Variants in UBALD2 observed in about 807,000 individuals in gnomAD.
UBALD2 encodes the protein UBA like domain containing 2.
UBALD2 carries 8 observed loss-of-function variants against 15.9 expected under a neutral mutation model. The ratio of observed to expected loss-of-function variants is 0.50; its 90% CI spans 0.29 to 0.91. The LOEUF (loss-of-function observed/expected upper bound fraction) is 0.91. Among genes scored for constraint, UBALD2 ranks in the 40% least tolerant of loss-of-function variants. The pLI is 0.07. For synonymous variants in UBALD2, 113 were observed against 97.7 expected (o/e 1.16, Z -0.93); for missense variants, 178 against 234.8 (o/e 0.76, Z 1.58).
At chr17:76,266,929 A>G (rs1286528586) in intron 2 of UBALD2, among the ~76,000 whole-genome samples, 1 of 152,102 alleles carries the variant, frequency 6.6e-6, no homozygotes, top group Non-Finnish European at 1.5e-5. Context: ...GTTTTCATCT[A>G]GTCACAGAGG....
intron 1 of UBALD2, 126 bp downstream of exon 1, chr17:76,265,751 G>T: frequency 7.5e-7 from 1 of 1,337,038 alleles, no homozygotes; most frequent in Non-Finnish European, 9.6e-7. Context: ...TCTTACGCGG[G>T]ACCGGGGCCG....
At chr17:76,266,029 AT>A in intron 2 of UBALD2, 60 bp downstream of exon 2, 1 of 1,510,384 alleles carries the variant, frequency 6.6e-7, no homozygotes, top group Non-Finnish European at 8.9e-7. Context: ...GGTGACAGCC[AT>A]GTTGCCGGGG....
chr17:76,266,091 A>G, intron 2 of UBALD2, 122 bp downstream of exon 2: 1 of 1,299,058 alleles, frequency 7.7e-7, no homozygotes, highest in East Asian at 2.6e-5. Flanking sequence ...TCCAGGAAAG[A>G]GCGGCTCCCG....
chr17:76,270,422 C>G lies in UBALD2; in HGVS notation c.412C>G (p.Arg138Gly). 4 of 1,529,538 alleles carry G rather than the reference C, an allele frequency of 2.6e-6. No individual in the cohort carries two copies. The highest frequency in any genetic ancestry group is 3.5e-6 in the Non-Finnish European group (4 of 1,140,530). 94.7% of individuals were successfully genotyped at this position (1,529,538 alleles called of 1,614,324 possible). Residue 138 changes from arginine (R) to glycine (G), a missense_variant, in exon 3 of 3, where the codon CGC becomes GGC. Arg to Gly is a moderately radical substitution (Grantham distance 125). Transcript: ENST00000327490. ...CCCCACCACCTTCCACCACCTCCAC[C>G]GCCCACAGCCCACGTGGCCCCCAGG... ...SSPTTFHHLH[R>G]PQPTWPPGAQ...
chr17:76,267,490 CTTTTT>C (rs55819046), intron 2 of UBALD2, among the ~76,000 whole-genome samples: 4 of 115,162 alleles, frequency 3.5e-5, no homozygotes, highest in African/African-American at 3.5e-5. Context: ...TTCATGGTTT[CTTTTT>C]TTTTTTTTTT....
intron 2 of UBALD2, among the ~76,000 whole-genome samples, chr17:76,266,262 AC>A (rs2070544977): frequency 7.7e-6 from 1 of 130,062 alleles, no homozygotes. Flanking sequence ...GAGCTGGGGG[AC>A]CCCAGAGCCA....
chr17:76,265,982 G>A lies in UBALD2; in HGVS notation c.183+13G>A. On this transcript the variant is annotated intron_variant, in intron 2 of 2. Coordinates refer to ENST00000327490, the MANE Select transcript of UBALD2 (RefSeq NM_182565.4). ...CCACCACCAGATGGTAAGCGGCGGC[G>A]GGCAGGGGCGCGGGCCGGGGCCGCT... 6.4e-7 allele frequency: 1 copy of A among 1,565,202 alleles called. No homozygotes were observed. Among genetic ancestry groups the A allele is most frequent in the South Asian group, 1.2e-5 (1 of 85,746 alleles).
At chr17:76,265,683 CG>C (rs1266815935) in intron 1 of UBALD2, 58 bp downstream of exon 1, 2 of 1,146,112 alleles carry the variant, frequency 1.7e-6, no homozygotes, top group Non-Finnish European at 1.1e-6. Context: ...CGGGCGGCGG[CG>C]GGGGCGGGGA....
chr17:76,267,859 A>G (rs1279306136), intron 2 of UBALD2, among the ~76,000 whole-genome samples: 1 of 151,836 alleles, frequency 6.6e-6, no homozygotes, highest in African/African-American at 2.4e-5. Context: ...GGGTTTCTCC[A>G]TGTTGATCAG....
intron 1 of UBALD2, 99 bp downstream of exon 1, chr17:76,265,724 C>T (rs1387771940): frequency 1.6e-6 from 2 of 1,273,530 alleles, no homozygotes; most frequent in South Asian, 2.3e-5. Context: ...GGAAGGCGAT[C>T]GGCGCCCGCG....
intron 2 of UBALD2, among the ~76,000 whole-genome samples, chr17:76,267,495 T>C (rs1043246456): frequency 6.1e-4 from 88 of 143,204 alleles, no homozygotes; most frequent in African/African-American, 1.9e-3. Context: ...GGTTTCTTTT[T>C]TTTTTTTTTT....
chr17:76,265,799 C>T, intron 1 of UBALD2, 108 bp from the exon 2 acceptor site: 1 of 1,459,306 alleles, frequency 6.9e-7, no homozygotes, highest in Non-Finnish European at 9.2e-7. Context: ...AGCCGAGGGT[C>T]GGGGGCCGCG....
chr17:76,267,475 A>T (rs2070553206), intron 2 of UBALD2, among the ~76,000 whole-genome samples: 1 of 150,278 alleles, frequency 6.7e-6, no homozygotes, highest in African/African-American at 2.5e-5. Flanking sequence ...CCTGCTCTCA[A>T]AAAGTTCATG....
In UBALD2 at chr17:76,270,582, G is replaced by A; in HGVS notation, c.*77G>A. ...GGGGACACAGGAGGGCCAGGGAGGG[G>A]GGAGCCGGGGAGGGCAGGGGGTTTC... is the stretch of plus-strand genomic sequence containing the variant. On this transcript the variant is annotated 3_prime_UTR_variant, in exon 3 of 3. Transcript: ENST00000327490. 1.6e-6 allele frequency: 2 copies of A among 1,270,134 alleles called. No homozygotes were observed. The highest frequency in any genetic ancestry group is 2.1e-6 in the Non-Finnish European group (2 of 975,442). 78.7% of individuals were successfully genotyped at this position (1,270,134 alleles called of 1,614,324 possible).
In UBALD2 at chr17:76,270,624, A is replaced by C; in HGVS notation, c.*119A>C. 1.0e-6 allele frequency: 1 copy of C among 992,566 alleles called. No individual in the cohort carries two copies. Among genetic ancestry groups the C allele is most frequent in the South Asian group, 2.2e-5 (1 of 45,290 alleles). 61.5% of individuals were successfully genotyped at this position (992,566 alleles called of 1,614,324 possible). A position where few individuals can be genotyped will look rare whatever the true frequency, so the allele number is the denominator to read the frequency against. On this transcript the variant is annotated 3_prime_UTR_variant, in exon 3 of 3. Transcript: ENST00000327490. ...GGGGGTTTCCCGAAGATCGCACTGGAAGATTTTATAAAAGAATTTTTGTGG... is the reference window on the plus strand; with the variant it reads ...GGGGGTTTCCCGAAGATCGCACTGGCAGATTTTATAAAAGAATTTTTGTGG...
In UBALD2 at chr17:76,270,301, C is replaced by T. The variant is rs1204138435; in HGVS notation, c.291C>T (p.Pro97=). The T allele has an allele frequency of 1.1e-5, 17 of 1,610,610 alleles. No individual in the cohort carries two copies. Among genetic ancestry groups the T allele is most frequent in the Non-Finnish European group, 1.3e-5 (15 of 1,179,724 alleles). The stretch of plus-strand genomic sequence containing the variant: ...AGGGCCTGCAGAGCAGCAACAGCCC[C>T]ATGACAGCCGCAGCCTGCTCCCCAC... ...ASEGLQSSNS[P]MTAAACSPPA... The change falls in exon 3 of 3, where the codon CCC becomes CCT. Residue 97 remains proline (P), a synonymous_variant. Transcript: ENST00000327490.
Position 76,265,365 on chromosome 17 carries a change from G to A in UBALD2, c.-141G>A, listed in dbSNP as rs1455743744. The A allele has an allele frequency of 5.8e-6, 5 of 858,274 alleles. No individual in the cohort carries two copies. Among genetic ancestry groups the A allele is most frequent in the Non-Finnish European group, 7.0e-6 (5 of 714,248 alleles). 53.2% of individuals were successfully genotyped at this position (858,274 alleles called of 1,614,324 possible). A position where few individuals can be genotyped will look rare whatever the true frequency, so the allele number is the denominator to read the frequency against. Reference sequence around the variant, plus strand: ...GTCGAACCACAACATTCGCCGGGCGGGCGGCGGCGGAGCGGGCGGCGGAGC... The same window carrying A: ...GTCGAACCACAACATTCGCCGGGCGAGCGGCGGCGGAGCGGGCGGCGGAGC... On this transcript the variant is annotated 5_prime_UTR_variant, in exon 1 of 3. Coordinates refer to ENST00000327490, the MANE Select transcript of UBALD2 (RefSeq NM_182565.4).
rs572636213 is a variant in UBALD2 at position 76,266,720 on chromosome 17, A to T, written c.183+751A>T. On this transcript the variant is annotated intron_variant, in intron 2 of 2. Coordinates refer to ENST00000327490, the MANE Select transcript of UBALD2 (RefSeq NM_182565.4). Reference sequence around the variant, plus strand: ...GGCCCAAGCTTTTGCCCTCCTGGCCATGGGGTACTCTGCTTTCTTGAGGCC... The same window carrying T: ...GGCCCAAGCTTTTGCCCTCCTGGCCTTGGGGTACTCTGCTTTCTTGAGGCC... Among the ~76,000 whole-genome samples the T allele has an allele frequency of 2.0e-5, 3 of 152,182 alleles. No homozygotes were observed. In the East Asian group the frequency reaches 5.8e-4, roughly 29 times the overall value.
Position 76,269,471 on chromosome 17 carries a change from C to CTCTG in UBALD2, c.184-721_184-718dup, listed in dbSNP as rs60608254. Among the ~76,000 whole-genome samples the CTCTG allele has an allele frequency of 0.13, 19,839 of 152,060 alleles. 1,851 individuals are homozygous for CTCTG. Among genetic ancestry groups the CTCTG allele is most frequent in the African/African-American group, 0.25 (10,314 of 41,398 alleles). On this transcript the variant is annotated intron_variant, in intron 2 of 2. Coordinates refer to ENST00000327490, the MANE Select transcript of UBALD2 (RefSeq NM_182565.4). This position sits in a 1 kb window ranked among gnomAD's most constrained non-coding sequence, Gnocchi z 4.6. Reference sequence around the variant, plus strand: ...GGCCCAGATATAAAGGGGCTCTTGACTCTGTGCAGCGTGGCCCAGTAGATG... The same window carrying CTCTG: ...GGCCCAGATATAAAGGGGCTCTTGACTCTGTCTGTGCAGCGTGGCCCAGTAGATG...
Sources: allele counts gnomAD v4.1 joint callset (sites outside exome capture counted in the v4.1 genomes callset), GRCh38; gene constraint gnomAD v4.1.1; non-coding constraint Gnocchi (gnomAD v3.1); transcripts MANE v1.5; gene names NCBI Gene and HGNC (gene_info 2026-07-23, HGNC 2026-07-21).